RGS7: variants seen among roughly 807,000 people sequenced by gnomAD.
RGS7 encodes the protein regulator of G protein signaling 7.
A neutral mutation model predicts 81.1 loss-of-function variants in RGS7; 27 were observed. That is an observed-to-expected ratio of 0.33 (90% CI 0.25 to 0.46). The LOEUF is 0.46. RGS7 is among the 20% of genes least tolerant of loss of function. The probability of loss-of-function intolerance (pLI) is 1.00; values close to 1 mark genes in which losing one functional copy is unlikely to be tolerated. For missense variants in RGS7, 396 were observed against 607.4 expected (o/e 0.65, Z 3.66); for synonymous variants, 208 against 207.7 (o/e 1.00, Z -0.01).
At chr1:241,295,463 GA>G (rs147054088) in intron 2 of RGS7, among the ~76,000 whole-genome samples, 46 of 148,324 alleles carry the variant, frequency 3.1e-4, no homozygotes, top group African/African-American at 7.5e-4. Flanking sequence ...AAAAAAAGAA[GA>G]AAAAAAAAAG....
intron 2 of RGS7, among the ~76,000 whole-genome samples, chr1:241,205,474 T>C (rs2073818928): frequency 6.6e-6 from 1 of 151,914 alleles, no homozygotes; most frequent in Non-Finnish European, 1.5e-5. Flanking sequence ...ACTTTTTTTT[T>C]TTTTGAGACA....
At chr1:241,215,993 C>T (rs958252051) in intron 2 of RGS7, among the ~76,000 whole-genome samples, 6 of 152,148 alleles carry the variant, frequency 3.9e-5, no homozygotes, top group African/African-American at 1.2e-4. Flanking sequence ...GAATAAAGGC[C>T]GGGCGCGGTG....
intron 3 of RGS7, chr1:240,998,480 G>T (rs914275745): frequency 1.1e-5 from 11 of 1,016,054 alleles, no homozygotes; most frequent in Non-Finnish European, 1.7e-5. Flanking sequence ...GTCACCATCA[G>T]ACTTCTCGGA....
chr1:240,854,798 C>T lies in RGS7; in HGVS notation c.609+13789G>A, dbSNP rs374170930. On this transcript the variant is annotated intron_variant, in intron 9 of 18. Transcript: ENST00000440928. ...TCATGTCCTCTCACTTACTTTAGTA[C>T]TTCACATCCCCTCCCCGGCCTACAC... Among the ~76,000 whole-genome samples the T allele has an allele frequency of 1.1e-4, 17 of 152,246 alleles. No homozygotes were observed. The East Asian group carries it at 1.9e-3, about 17-fold the overall frequency.
intron 2 of RGS7, among the ~76,000 whole-genome samples, chr1:241,134,891 A>T (rs938320845): frequency 6.6e-6 from 1 of 151,990 alleles, no homozygotes; most frequent in Non-Finnish European, 1.5e-5. Flanking sequence ...TGGGTCAGCA[A>T]GACAGCGGAA....
chr1:241,336,923 G>A (rs1273702273), intron 2 of RGS7, among the ~76,000 whole-genome samples: 4 of 152,170 alleles, frequency 2.6e-5, no homozygotes, highest in Non-Finnish European at 5.9e-5. Flanking sequence ...CCACAGAGTG[G>A]TCTCTCACTG....
At chr1:240,793,612 T>TATATA (rs11270798) in intron 18 of RGS7, among the ~76,000 whole-genome samples, 15 of 28,586 alleles carry the variant, frequency 5.2e-4, no homozygotes, top group African/African-American at 2.6e-3. Flanking sequence ...TATATATATA[T>TATATA]TTTTTTTTTT....
chr1:241,047,733 CTTTTTTTTT>C lies in RGS7; in HGVS notation c.175+50924_175+50932del, dbSNP rs34738551. On this transcript the variant is annotated intron_variant, in intron 3 of 18. Coordinates refer to ENST00000440928, the MANE Select transcript of RGS7 (RefSeq NM_001364886.1). ...CTCTGTCAAATAATTGTTTACAATC[CTTTTTTTTT>C]TTTTTTTTTTTTTTTGAGATGGACT... 4.5e-5 allele frequency among the ~76,000 whole-genome samples: 4 copies of C among 89,514 alleles called. No homozygotes were observed. The South Asian group carries it at 1.7e-3, about 37-fold the overall frequency. The allele number at this position is 89,514 out of a possible 152,430, so 58.7% of individuals were successfully genotyped here. A position where few individuals can be genotyped will look rare whatever the true frequency, so the allele number is the denominator to read the frequency against.
At chr1:241,106,488 CG>C (rs2065106088) in intron 2 of RGS7, among the ~76,000 whole-genome samples, 1 of 151,996 alleles carries the variant, frequency 6.6e-6, no homozygotes, top group Non-Finnish European at 1.5e-5. Context: ...CCGAGGCCAA[CG>C]GATCACCTGA....
intron 4 of RGS7, among the ~76,000 whole-genome samples, chr1:240,947,994 C>A (rs986527986): frequency 6.6e-6 from 1 of 152,174 alleles, no homozygotes; most frequent in African/African-American, 2.4e-5. Context: ...ATGCTCAGAA[C>A]CCTTCCTCCA....
intron 9 of RGS7, among the ~76,000 whole-genome samples, chr1:240,853,605 A>G (rs960609550): frequency 6.6e-6 from 1 of 152,142 alleles, no homozygotes; most frequent in Non-Finnish European, 1.5e-5. Flanking sequence ...ATGTACTACC[A>G]GATTTCAAAG....
intron 3 of RGS7, among the ~76,000 whole-genome samples, chr1:241,016,391 A>G (rs1184583891): frequency 1.3e-5 from 2 of 151,816 alleles, no homozygotes; most frequent in South Asian, 2.1e-4. Context: ...GGCGGCATGC[A>G]CCTGTAGTCT....
At chr1:241,043,205 C>CT (rs1216373074) in intron 3 of RGS7, among the ~76,000 whole-genome samples, 12 of 152,060 alleles carry the variant, frequency 7.9e-5, no homozygotes, top group Non-Finnish European at 1.5e-4. Flanking sequence ...TGTTCTGAAT[C>CT]TTTGAATATT....
intron 2 of RGS7, among the ~76,000 whole-genome samples, chr1:241,213,217 T>C (rs1301868957): frequency 2.0e-5 from 3 of 152,174 alleles, no homozygotes; most frequent in African/African-American, 7.2e-5. Context: ...CTTTGTAGTG[T>C]CATGACTGAC....
At chr1:241,306,128 T>TCTCACACA (rs111855784) in intron 2 of RGS7, among the ~76,000 whole-genome samples, 1 of 149,670 alleles carries the variant, frequency 6.7e-6, no homozygotes, top group Admixed American at 6.7e-5. Context: ...CATCTCTTTT[T>TCTCACACA]CACACACACA....
At chr1:240,834,914 C>T (rs1345425158) in intron 9 of RGS7, among the ~76,000 whole-genome samples, 1 of 116,672 alleles carries the variant, frequency 8.6e-6, no homozygotes, top group East Asian at 2.1e-4. Flanking sequence ...AGACCTTACA[C>T]TCCACACACA....
intron 3 of RGS7, among the ~76,000 whole-genome samples, chr1:241,041,809 GAACT>G (rs1195504677): frequency 2.6e-5 from 4 of 152,084 alleles, no homozygotes; most frequent in Admixed American, 6.5e-5. Context: ...CACTTACAAT[GAACT>G]AACTCAGTAC....
chr1:241,343,406 A>G (rs2082695797), intron 2 of RGS7, among the ~76,000 whole-genome samples: 1 of 152,214 alleles, frequency 6.6e-6, no homozygotes, highest in Non-Finnish European at 1.5e-5. Context: ...CAATAGTCAA[A>G]GGTAGCAGTA....
chr1:240,901,371 T>C (rs1669984717), intron 6 of RGS7, among the ~76,000 whole-genome samples: 1 of 152,170 alleles, frequency 6.6e-6, no homozygotes, highest in Non-Finnish European at 1.5e-5. Flanking sequence ...TCTGCGTCGC[T>C]CATGCTGGGA....
Sources: gnomAD v4.1 joint callset for allele counts (sites outside exome capture counted in the v4.1 genomes callset) on GRCh38, gnomAD v4.1.1 for gene constraint, MANE v1.5 for transcripts, NCBI Gene and HGNC (gene_info 2026-07-23, HGNC 2026-07-21) for gene names.